Variants in SP140L observed in about 807,000 individuals in gnomAD.
The protein encoded by SP140L is SP140 like nuclear body protein.
SP140L carries 64 observed loss-of-function variants against 84.3 expected under a neutral mutation model. The ratio of observed to expected loss-of-function variants is 0.76; its 90% CI spans 0.62 to 0.94. The LOEUF (loss-of-function observed/expected upper bound fraction) is 0.94. Among genes scored for constraint, SP140L ranks in the 40% least tolerant of loss-of-function variants. The pLI is 0.00. For synonymous variants in SP140L, 242 were observed against 236.9 expected (o/e 1.02, Z -0.20); for missense variants, 628 against 692.5 (o/e 0.91, Z 1.05).
At chr2:230,388,662 A>G in intron 10 of SP140L, 29 bp downstream of exon 10, 1 of 1,550,056 alleles carries the variant, frequency 6.5e-7, no homozygotes. Context: ...ATGCACTTTC[A>G]ATAACTAAAC....
intron 7 of SP140L, among the ~76,000 whole-genome samples, chr2:230,381,209 A>G (rs1231867249): frequency 6.6e-6 from 1 of 152,150 alleles, no homozygotes; most frequent in East Asian, 1.9e-4. Context: ...TTTAGCTGGA[A>G]CGTAAGCAAC....
At chr2:230,345,408 T>C (rs963584100) in intron 2 of SP140L, among the ~76,000 whole-genome samples, 8 of 152,172 alleles carry the variant, frequency 5.3e-5, no homozygotes, top group Admixed American at 1.3e-4. Flanking sequence ...ACCATGAGTC[T>C]CTTACATGCA....
Position 230,358,083 on chromosome 2 carries a change from T to C in SP140L, c.270+116T>C, listed in dbSNP as rs552405688. 3.4e-5 allele frequency: 42 copies of C among 1,222,814 alleles called. No homozygotes were observed. In the East Asian group the frequency reaches 9.8e-4, roughly 29 times the overall value. 75.7% of individuals were successfully genotyped at this position (1,222,814 alleles called of 1,614,324 possible). ...GAGAAGCAGAGGTCACCAGAGATGG[T>C]CCTACTTCCAGCTGAGGAAATGGTG... On this transcript the variant is annotated intron_variant, in intron 3 of 18. Coordinates refer to ENST00000415673, the MANE Select transcript of SP140L (RefSeq NM_138402.6).
At chr2:230,328,313 C>A (rs138956473) in intron 1 of SP140L, among the ~76,000 whole-genome samples, 1 of 152,186 alleles carries the variant, frequency 6.6e-6, no homozygotes. Flanking sequence ...GAAGAGTCTT[C>A]GGCATAACTT....
At chr2:230,388,669 A>G (rs1191194573) in intron 10 of SP140L, 36 bp downstream of exon 10, 4 of 1,522,830 alleles carry the variant, frequency 2.6e-6, no homozygotes, top group Non-Finnish European at 3.6e-6. Flanking sequence ...TTCAATAACT[A>G]AACATCTAAT....
rs186552665 is a variant in SP140L at position 230,346,732 on chromosome 2, G to A, written c.108-11073G>A. ...TTAGATCTAGGATTTCTGGGGGTTT[G>A]TTTAATGGTTCCTATTTTTTATTGG... On this transcript the variant is annotated intron_variant, in intron 2 of 18. Coordinates refer to ENST00000415673, the MANE Select transcript of SP140L (RefSeq NM_138402.6). Among the ~76,000 whole-genome samples, 884 of 152,002 alleles carry A rather than the reference G, an allele frequency of 5.8e-3. 4 individuals are homozygous for A. The highest frequency in any genetic ancestry group is 0.01 in the Non-Finnish European group (703 of 67,932).
In SP140L at chr2:230,396,736, ATCTT is replaced by A. The variant is rs747245565; in HGVS notation, c.1156-17_1156-14del. 10 of 1,612,630 alleles carry A rather than the reference ATCTT, an allele frequency of 6.2e-6. No homozygotes were observed. The highest frequency in any genetic ancestry group is 8.5e-6 in the Non-Finnish European group (10 of 1,178,962). ...ACAATGCATTCAATATCATAAATCAATCTTTCTGTTTTTTCAACAGAGAATACTG... is the reference window on the plus strand; with the variant it reads ...ACAATGCATTCAATATCATAAATCAATCTGTTTTTTCAACAGAGAATACTG... On this transcript the variant is annotated splice_polypyrimidine_tract_variant and intron_variant, in intron 13 of 18. Coordinates refer to ENST00000415673, the MANE Select transcript of SP140L (RefSeq NM_138402.6).
At chr2:230,341,552 G>T (rs2060043813) in intron 2 of SP140L, among the ~76,000 whole-genome samples, 2 of 151,398 alleles carry the variant, frequency 1.3e-5, no homozygotes, top group Admixed American at 6.6e-5. Flanking sequence ...TGTTCCTTTG[G>T]AGGAGGAGAG....
At chr2:230,383,324 A>C (rs1176211279) in intron 7 of SP140L, among the ~76,000 whole-genome samples, 186 bp from the exon 8 acceptor site, 1 of 152,208 alleles carries the variant, frequency 6.6e-6, no homozygotes, top group Non-Finnish European at 1.5e-5. Flanking sequence ...CCCATGGCCC[A>C]AGGCTCATGC....
intron 2 of SP140L, among the ~76,000 whole-genome samples, chr2:230,337,397 C>G (rs968800632): frequency 6.6e-6 from 1 of 152,082 alleles, no homozygotes; most frequent in Non-Finnish European, 1.5e-5. Flanking sequence ...GATATTAACC[C>G]TTTGTCAGAT....
intron 2 of SP140L, among the ~76,000 whole-genome samples, chr2:230,346,452 A>T (rs2060211349): frequency 6.6e-6 from 1 of 152,124 alleles, no homozygotes; most frequent in Admixed American, 6.5e-5. Flanking sequence ...TTTAGTCATT[A>T]CTTCTTTAAA....
chr2:230,374,271 G>T (rs1346947638), intron 7 of SP140L, among the ~76,000 whole-genome samples: 7 of 150,030 alleles, frequency 4.7e-5, no homozygotes, highest in Admixed American at 3.3e-4. Flanking sequence ...AGCAGAGGTT[G>T]CACCACTGCA....
chr2:230,367,912 CAGAG>C (rs1242935865), intron 5 of SP140L, among the ~76,000 whole-genome samples: 2 of 152,286 alleles, frequency 1.3e-5, no homozygotes, highest in East Asian at 3.9e-4. Flanking sequence ...AGCCTGGCAA[CAGAG>C]AGAGAGACTC....
chr2:230,383,865 G>C (rs949499326), intron 8 of SP140L, among the ~76,000 whole-genome samples: 3 of 152,106 alleles, frequency 2.0e-5, no homozygotes, highest in African/African-American at 7.2e-5. Flanking sequence ...TTGGAAAAAT[G>C]TTCTTAAGAG....
chr2:230,335,879 A>G (rs1212049957), intron 2 of SP140L, among the ~76,000 whole-genome samples: 1 of 152,224 alleles, frequency 6.6e-6, no homozygotes, highest in African/African-American at 2.4e-5. Flanking sequence ...TCTTCACCCC[A>G]GAAAAGAATT....
chr2:230,327,312 A>C lies in SP140L; in HGVS notation c.32+11A>C, dbSNP rs374094753. On this transcript the variant is annotated intron_variant, in intron 1 of 18. Coordinates refer to ENST00000415673, the MANE Select transcript of SP140L (RefSeq NM_138402.6). ...CGACCTGAGCACCAGGTGAGTCTTT[A>C]TCTCTCTTCCTTTCACCTTTATCTC... 3.1e-6 allele frequency: 5 copies of C among 1,609,762 alleles called. No homozygotes were observed. In the African/African-American group the frequency reaches 5.3e-5, roughly 17 times the overall value.
chr2:230,335,861 G>C (rs748614729), intron 2 of SP140L, among the ~76,000 whole-genome samples: 1 of 152,140 alleles, frequency 6.6e-6, no homozygotes, highest in Non-Finnish European at 1.5e-5. Flanking sequence ...GGCTGGTACA[G>C]GTTCTTGTCT....
chr2:230,379,105 A>G (rs1308640822), intron 7 of SP140L, among the ~76,000 whole-genome samples: 1 of 152,092 alleles, frequency 6.6e-6, no homozygotes, highest in Non-Finnish European at 1.5e-5. Context: ...CACTCAATTT[A>G]TGTTAAGCCA....
At chr2:230,389,778 G>T in intron 10 of SP140L, 141 bp from the exon 11 acceptor site, 1 of 824,046 alleles carries the variant, frequency 1.2e-6, no homozygotes, top group Non-Finnish European at 1.9e-6. Context: ...AATGCCACTT[G>T]GAAGAAAGAC....
Sources: gnomAD v4.1 joint callset for allele counts (sites outside exome capture counted in the v4.1 genomes callset) on GRCh38, gnomAD v4.1.1 for gene constraint, MANE v1.5 for transcripts, NCBI Gene and HGNC (gene_info 2026-07-23, HGNC 2026-07-21) for gene names.